Variants in AGBL4 observed in about 807,000 individuals in gnomAD.
AGBL4 encodes AGBL carboxypeptidase 4.
AGBL4 carries 58 observed loss-of-function variants against 66.4 expected under a neutral mutation model. The ratio of observed to expected loss-of-function variants is 0.87; its 90% CI spans 0.71 to 1.09. The LOEUF is 1.09. AGBL4 is among the 50% of genes least tolerant of loss of function. The pLI, the probability that AGBL4 is intolerant of heterozygous loss-of-function variation, is 0.00. For synonymous variants in AGBL4, 234 were observed against 222.9 expected, an observed-to-expected ratio of 1.05 and a Z score of -0.44; for missense variants, 579 against 631.0, an observed-to-expected ratio of 0.92 and a Z score of 0.88.
intron 11 of AGBL4, among the ~76,000 whole-genome samples, chr1:48,570,521 AGGT>A (rs1198892643): frequency 6.6e-6 from 1 of 152,006 alleles, no homozygotes; most frequent in Non-Finnish European, 1.5e-5. Flanking sequence ...TGGTGACTCC[AGGT>A]AAGTTAATAT....
intron 3 of AGBL4, among the ~76,000 whole-genome samples, chr1:49,637,253 C>G (rs1022076927): frequency 1.3e-5 from 2 of 151,836 alleles, no homozygotes; most frequent in Admixed American, 1.3e-4. Flanking sequence ...TTTAAAGAAC[C>G]CTGACTAATA....
chr1:49,822,510 G>T (rs535942416), intron 2 of AGBL4, among the ~76,000 whole-genome samples: 3 of 152,134 alleles, frequency 2.0e-5, no homozygotes, highest in African/African-American at 7.2e-5. Flanking sequence ...TTTTAGTAGA[G>T]ATGGGGTTTT....
chr1:49,055,906 T>A (rs926848838), intron 4 of AGBL4, among the ~76,000 whole-genome samples: 3 of 152,168 alleles, frequency 2.0e-5, no homozygotes, highest in African/African-American at 7.2e-5. Flanking sequence ...TTTTTTTAGT[T>A]CTCCTATTCA....
chr1:49,545,993 C>T (rs912180046), intron 3 of AGBL4, among the ~76,000 whole-genome samples: 3 of 152,112 alleles, frequency 2.0e-5, no homozygotes, highest in Non-Finnish European at 4.4e-5. Context: ...GAGCAGTATA[C>T]AATGCACCAT....
intron 4 of AGBL4, among the ~76,000 whole-genome samples, chr1:49,244,098 G>C (rs147959658): frequency 5.9e-5 from 9 of 151,698 alleles, no homozygotes; most frequent in Non-Finnish European, 1.3e-4. Context: ...AATAATTAAG[G>C]CTTATGCATC....
chr1:48,706,233 T>C (rs976730659), intron 6 of AGBL4, among the ~76,000 whole-genome samples: 4 of 152,140 alleles, frequency 2.6e-5, no homozygotes, highest in African/African-American at 9.7e-5. Context: ...TTAGATATTT[T>C]AAAAGATGAA....
intron 3 of AGBL4, among the ~76,000 whole-genome samples, chr1:49,550,125 A>G (rs1475305584): frequency 6.6e-6 from 1 of 152,166 alleles, no homozygotes; most frequent in Non-Finnish European, 1.5e-5. Context: ...TGGTGTTCAT[A>G]TGCATGAAAT....
intron 5 of AGBL4, among the ~76,000 whole-genome samples, chr1:48,928,719 A>G (rs1654791020): frequency 6.7e-6 from 1 of 150,028 alleles, no homozygotes; most frequent in African/African-American, 2.5e-5. Context: ...TATAGGCATA[A>G]TAATAGGCAT....
At chr1:48,787,580 A>G (rs1645439598) in intron 6 of AGBL4, among the ~76,000 whole-genome samples, 1 of 152,234 alleles carries the variant, frequency 6.6e-6, no homozygotes, top group South Asian at 2.1e-4. Flanking sequence ...ACTCATATAT[A>G]CAACATACAA....
chr1:49,461,575 C>G lies in AGBL4; in HGVS notation c.283-215711G>C, dbSNP rs776656823. Among the ~76,000 whole-genome samples the G allele has an allele frequency of 6.6e-5, 10 of 150,570 alleles. 1 individual carries two copies. Among genetic ancestry groups the G allele is most frequent in the Non-Finnish European group, 1.5e-4 (10 of 67,616 alleles). ...TGATGGTTTGCTATACCCATCAACT[C>G]TTCATTTACATTAGGTATTTCTCCT... is the stretch of plus-strand genomic sequence containing the variant. On this transcript the variant is annotated intron_variant, in intron 3 of 13. Transcript: ENST00000371839.
chr1:48,964,710 T>C lies in AGBL4; in HGVS notation c.594+80874A>G, dbSNP rs115912617. ...ATGTGTCTCTTTCCTCTATATCACATTGCCTCTCCAAAGTGAAAATAAATA... is the reference window on the plus strand; with the variant it reads ...ATGTGTCTCTTTCCTCTATATCACACTGCCTCTCCAAAGTGAAAATAAATA... On this transcript the variant is annotated intron_variant, in intron 5 of 13. Transcript: ENST00000371839. 2.5e-3 allele frequency among the ~76,000 whole-genome samples: 377 copies of C among 152,260 alleles called. 1 individual carries two copies. Among genetic ancestry groups the C allele is most frequent in the Admixed American group, 3.5e-3 (53 of 15,292 alleles).
chr1:49,739,000 C>T (rs1319356861), intron 2 of AGBL4, among the ~76,000 whole-genome samples: 2 of 152,222 alleles, frequency 1.3e-5, no homozygotes, highest in Non-Finnish European at 2.9e-5. Context: ...CAGAGCGCCT[C>T]TCCTCCTCCA....
At chr1:48,639,003 C>A (rs892534975) in intron 8 of AGBL4, among the ~76,000 whole-genome samples, 6 of 152,154 alleles carry the variant, frequency 3.9e-5, no homozygotes, top group Non-Finnish European at 2.9e-5. Flanking sequence ...GTGTCCCGTT[C>A]TGGACTTCAT....
chr1:48,535,899 G>A (rs965751633), intron 12 of AGBL4, among the ~76,000 whole-genome samples: 3 of 152,146 alleles, frequency 2.0e-5, no homozygotes, highest in African/African-American at 7.2e-5. Flanking sequence ...CCACAGCTCA[G>A]TAACAGTCAT....
intron 3 of AGBL4, among the ~76,000 whole-genome samples, chr1:49,657,367 C>A (rs1646164121): frequency 6.6e-6 from 1 of 152,152 alleles, no homozygotes; most frequent in Admixed American, 6.5e-5. Flanking sequence ...AGGACACAAA[C>A]AAATGGAAGA....
chr1:49,302,440 A>C lies in AGBL4; in HGVS notation c.283-56576T>G, dbSNP rs1644762742. Among the ~76,000 whole-genome samples the C allele has an allele frequency of 2.6e-5, 4 of 151,848 alleles. No individual in the cohort carries two copies. The South Asian group carries it at 6.2e-4, about 24-fold the overall frequency. Reference sequence around the variant, plus strand: ...GCTAATTTTTTTGTATTTTTAGTAGAAACGGGGTTTCACCATGTTAGCCAG... The same window carrying C: ...GCTAATTTTTTTGTATTTTTAGTAGCAACGGGGTTTCACCATGTTAGCCAG... On this transcript the variant is annotated intron_variant, in intron 3 of 13. Transcript: ENST00000371839.
intron 5 of AGBL4, among the ~76,000 whole-genome samples, chr1:48,972,779 T>C (rs1332083497): frequency 6.6e-6 from 1 of 152,164 alleles, no homozygotes; most frequent in Non-Finnish European, 1.5e-5. Flanking sequence ...CAGATATTAT[T>C]TTTGAAACCA....
intron 3 of AGBL4, among the ~76,000 whole-genome samples, chr1:49,581,451 T>G (rs1644540406): frequency 6.6e-6 from 1 of 152,160 alleles, no homozygotes; most frequent in Non-Finnish European, 1.5e-5. Flanking sequence ...TCAATTTATG[T>G]GTATCTGGTG....
At chr1:49,168,931 G>A (rs1281769142) in intron 4 of AGBL4, among the ~76,000 whole-genome samples, 2 of 152,192 alleles carry the variant, frequency 1.3e-5, no homozygotes, top group African/African-American at 4.8e-5. Context: ...CTAATGTATG[G>A]AGGGATTGAT....
Sources: allele counts gnomAD v4.1 joint callset (sites outside exome capture counted in the v4.1 genomes callset), GRCh38; gene constraint gnomAD v4.1.1; transcripts MANE v1.5; gene names NCBI Gene and HGNC (gene_info 2026-07-23, HGNC 2026-07-21).